NIPBL: variants seen among roughly 807,000 people sequenced by gnomAD.
NIPBL encodes the protein nipped-B-like protein.
Under a neutral mutation model 321.8 loss-of-function variants are expected in NIPBL, and 19 were observed. The observed-to-expected ratio is 0.06, with a 90% CI of 0.04 to 0.09. The LOEUF is 0.09. Ranked by LOEUF, NIPBL falls within the 10% of genes least tolerant of loss-of-function variation. NIPBL has a pLI of 1.00. For synonymous variants in NIPBL, 1,106 were observed against 1,114.1 expected, an observed-to-expected ratio of 0.99 and a Z score of 0.14; for missense variants, 2,210 against 3,327.0, an observed-to-expected ratio of 0.66 and a Z score of 8.26.
intron 1 of NIPBL, among the ~76,000 whole-genome samples, chr5:36,909,147 A>G (rs1043155575): frequency 7.2e-5 from 11 of 152,188 alleles, no homozygotes; most frequent in Non-Finnish European, 1.3e-4. Flanking sequence ...TGTCCCACTC[A>G]TTACTACCAG....
intron 1 of NIPBL, among the ~76,000 whole-genome samples, chr5:36,900,941 C>CT (rs1385453998): frequency 6.6e-6 from 1 of 152,094 alleles, no homozygotes; most frequent in African/African-American, 2.4e-5. Flanking sequence ...TATCCACTCC[C>CT]TTTTTTTCCC....
intron 1 of NIPBL, among the ~76,000 whole-genome samples, chr5:36,901,084 T>G (rs906956468): frequency 2.0e-5 from 3 of 152,188 alleles, no homozygotes; most frequent in Admixed American, 2.0e-4. Context: ...AGGTAGTTTT[T>G]GATCTCCACC....
chr5:37,048,617 A>G lies in NIPBL; in HGVS notation c.6705A>G (p.Lys2235=), dbSNP rs753822274. The G allele has an allele frequency of 4.4e-6, 7 of 1,608,832 alleles. No homozygotes were observed. In the East Asian group the frequency reaches 1.6e-4, roughly 36 times the overall value. The change falls in exon 39 of 47, where the codon AAA becomes AAG. Residue 2235 remains lysine (K), a synonymous_variant. Transcript: ENST00000282516. ...SSVNLKIQVL[K]NLQTYLQEED... is the part of the protein sequence containing the mutation. ...TCAATTTAAAAATACAAGTGTTAAA[A>G]AACCTCCAGACCTACCTACAAGAAG...
chr5:37,030,091 A>G (rs1750788101), intron 32 of NIPBL, among the ~76,000 whole-genome samples: 1 of 152,238 alleles, frequency 6.6e-6, no homozygotes, highest in Non-Finnish European at 1.5e-5. Flanking sequence ...ATTACTAAAA[A>G]GAATCTACAA....
chr5:36,907,450 A>G (rs942965880), intron 1 of NIPBL, among the ~76,000 whole-genome samples: 34 of 152,200 alleles, frequency 2.2e-4, no homozygotes, highest in African/African-American at 2.2e-4. Context: ...AATTAAAATA[A>G]TATTTATTTA....
intron 1 of NIPBL, among the ~76,000 whole-genome samples, chr5:36,890,640 A>G (rs1746253848): frequency 6.6e-6 from 1 of 152,230 alleles, no homozygotes; most frequent in Non-Finnish European, 1.5e-5. Flanking sequence ...GCTATTAGCC[A>G]AGTGGCATTT....
At chr5:36,879,159 CAT>C (rs898219891) in intron 1 of NIPBL, among the ~76,000 whole-genome samples, 7 of 152,112 alleles carry the variant, frequency 4.6e-5, no homozygotes, top group African/African-American at 1.7e-4. Context: ...AAGGGATAAA[CAT>C]ATTTTTACTA....
chr5:37,060,642 G>C (rs550508275), intron 44 of NIPBL, among the ~76,000 whole-genome samples: 24 of 152,240 alleles, frequency 1.6e-4, no homozygotes, highest in African/African-American at 5.8e-4. Context: ...GGTTGGGGGT[G>C]GGGGAGCAAC....
intron 9 of NIPBL, among the ~76,000 whole-genome samples, chr5:36,981,443 C>G (rs1448297399): frequency 1.3e-5 from 2 of 151,618 alleles, no homozygotes; most frequent in African/African-American, 4.8e-5. Flanking sequence ...ATTTATGTCC[C>G]TTTGTCCTGT....
chr5:37,063,347 A>AT (rs1657764187), intron 45 of NIPBL, among the ~76,000 whole-genome samples: 1 of 152,240 alleles, frequency 6.6e-6, no homozygotes. Flanking sequence ...ATTTTTCAAC[A>AT]TTCTTTGCTT....
At chr5:36,921,918 G>A (rs1232475295) in intron 1 of NIPBL, among the ~76,000 whole-genome samples, 1 of 144,332 alleles carries the variant, frequency 6.9e-6, no homozygotes, top group Admixed American at 7.1e-5. Flanking sequence ...ACGAAGTCTT[G>A]CTCTGTCACC....
At chr5:37,006,616 G>A (rs1309153867) in intron 17 of NIPBL, 28 bp downstream of exon 17, 1 of 1,486,132 alleles carries the variant, frequency 6.7e-7, no homozygotes, top group Non-Finnish European at 9.3e-7. Flanking sequence ...CAAAATTATT[G>A]TAAATTTTTG....
intron 46 of NIPBL, chr5:37,064,251 G>A (rs1161659967): frequency 1.5e-6 from 2 of 1,372,352 alleles, no homozygotes; most frequent in African/African-American, 2.9e-5. Context: ...TTTTATTGTT[G>A]CTAAGTTTTA....
Position 36,984,755 on chromosome 5 carries a change from T to C in NIPBL, c.1575T>C (p.Ser525=). ...GGATGGNRPA[S]QETGSTGNGS... is the part of the protein sequence containing the mutation. The stretch of plus-strand genomic sequence containing the variant: ...CTACAGGAGGTAATAGACCAGCTTC[T>C]CAGGAGACGGGTTCTACGGGAAATG... The change falls in exon 10 of 47, where the codon TCT becomes TCC. Residue 525 remains serine (S), a synonymous_variant. Transcript: ENST00000282516. The C allele has an allele frequency of 6.2e-7, 1 of 1,613,788 alleles. No individual in the cohort carries two copies.
chr5:36,925,038 A>G (rs1036617986), intron 1 of NIPBL, among the ~76,000 whole-genome samples: 8 of 152,200 alleles, frequency 5.3e-5, no homozygotes, highest in African/African-American at 1.7e-4. Context: ...TTGTCCACTT[A>G]TGCAGGTATT....
chr5:37,054,201 A>C (rs1262780255), intron 42 of NIPBL, among the ~76,000 whole-genome samples: 9 of 151,782 alleles, frequency 5.9e-5, no homozygotes, highest in Non-Finnish European at 1.3e-4. Flanking sequence ...GTCTCAAAAA[A>C]AAAAAAAAAA....
At chr5:36,931,086 A>G (rs947560591) in intron 1 of NIPBL, among the ~76,000 whole-genome samples, 10 of 152,074 alleles carry the variant, frequency 6.6e-5, no homozygotes, top group Non-Finnish European at 1.5e-4. Context: ...AAAGTTTGCT[A>G]TTCTTTCTTA....
intron 11 of NIPBL, among the ~76,000 whole-genome samples, chr5:36,998,569 T>G (rs1014145579): frequency 6.6e-6 from 1 of 152,134 alleles, no homozygotes; most frequent in Non-Finnish European, 1.5e-5. Flanking sequence ...ACCAACACTT[T>G]GGGAGGCCGA....
At chr5:36,893,126 T>A (rs537812168) in intron 1 of NIPBL, among the ~76,000 whole-genome samples, 34 of 152,302 alleles carry the variant, frequency 2.2e-4, no homozygotes, top group African/African-American at 7.9e-4. Flanking sequence ...GCCTTTCTGG[T>A]GTATTTGTTT....
Sources: gnomAD v4.1 joint callset for allele counts (sites outside exome capture counted in the v4.1 genomes callset) on GRCh38, gnomAD v4.1.1 for gene constraint, MANE v1.5 for transcripts, NCBI Gene and HGNC (gene_info 2026-07-23, HGNC 2026-07-21) for gene names.